ABCB1: variants seen among roughly 807,000 people sequenced by gnomAD.
ABCB1 encodes ATP-dependent translocase ABCB1.
Under a neutral mutation model 142.0 loss-of-function variants are expected in ABCB1, and 69 were observed. That is an observed-to-expected ratio of 0.49 (90% confidence interval 0.40 to 0.59). The LOEUF is 0.59. ABCB1 is among the 20% of genes least tolerant of loss of function. The pLI is 0.00. For missense variants in ABCB1, 1,326 were observed against 1,554.7 expected (o/e 0.85, Z 2.47); for synonymous variants, 532 against 539.2 (o/e 0.99, Z 0.18).
rs1266420952 is a variant in ABCB1, at chr7:87,706,015, A to G, written c.-331+7146T>C. On this transcript the variant is annotated intron_variant, in intron 1 of 28. Transcript: ENST00000265724. ...ATATTTTGTGAGGGATTGTCCCCCC[A>G]TTTTCTTTGTTTTTAATAGCAGTTC... Among the ~76,000 whole-genome samples the G allele has an allele frequency of 3.9e-5, 6 of 151,926 alleles. No individual in the cohort carries two copies. In the East Asian group the frequency reaches 7.7e-4, roughly 20 times the overall value.
intron 27 of ABCB1, among the ~76,000 whole-genome samples, chr7:87,504,759 T>G (rs934899982): frequency 6.7e-6 from 1 of 148,868 alleles, no homozygotes; most frequent in Non-Finnish European, 1.5e-5. Context: ...GAGCCAAGAT[T>G]GCGCCACTGC....
intron 3 of ABCB1, among the ~76,000 whole-genome samples, chr7:87,589,077 T>C (rs180824931): frequency 2.8e-4 from 43 of 152,296 alleles, no homozygotes; most frequent in Non-Finnish European, 5.3e-4. Context: ...AAGATTGATT[T>C]CTAGAGAGAA....
At chr7:87,552,956 G>T (rs1040258392) in intron 9 of ABCB1, among the ~76,000 whole-genome samples, 1 of 152,080 alleles carries the variant, frequency 6.6e-6, no homozygotes, top group Non-Finnish European at 1.5e-5. Flanking sequence ...ACATTAAATG[G>T]CAAGACTTCT....
At chr7:87,562,951 T>C (rs951661964) in intron 7 of ABCB1, among the ~76,000 whole-genome samples, 1 of 151,952 alleles carries the variant, frequency 6.6e-6, no homozygotes, top group Non-Finnish European at 1.5e-5. Context: ...AATTAAAAAC[T>C]AGCTGGACAT....
intron 1 of ABCB1, among the ~76,000 whole-genome samples, chr7:87,675,653 C>CAAAAA (rs200136132): frequency 1.8e-4 from 12 of 65,838 alleles, no homozygotes; most frequent in African/African-American, 5.2e-4. Context: ...TATTCACATG[C>CAAAAA]AAAAAAAAAA....
chr7:87,538,254 C>A (rs771506063), intron 19 of ABCB1, among the ~76,000 whole-genome samples: 1 of 152,226 alleles, frequency 6.6e-6, no homozygotes, highest in Non-Finnish European at 1.5e-5. Flanking sequence ...CAGTGTAGAC[C>A]TAAGTGGAAT....
chr7:87,563,896 A>G (rs1036509517), intron 7 of ABCB1, among the ~76,000 whole-genome samples: 2 of 152,228 alleles, frequency 1.3e-5, no homozygotes, highest in East Asian at 3.8e-4. Context: ...CATTATGCTT[A>G]GCAAACTAAC....
intron 21 of ABCB1, chr7:87,522,273 G>A (rs571100422): frequency 9.2e-6 from 8 of 868,598 alleles, no homozygotes; most frequent in Admixed American, 6.8e-5. Context: ...TTACATTTTG[G>A]ACCCATGAAG....
rs1816794505 is a variant in ABCB1, at chr7:87,546,579, A to T, written c.1726-555T>A. ...TCAAAAAAAAAAAATAAAAAATAAAAAAATAATAATAATCAGGGGCTTGTA... is the reference window on the plus strand; with the variant it reads ...TCAAAAAAAAAAAATAAAAAATAAATAAATAATAATAATCAGGGGCTTGTA... On this transcript the variant is annotated intron_variant, in intron 14 of 27. Transcript: ENST00000622132. 2.1e-5 allele frequency among the ~76,000 whole-genome samples: 3 copies of T among 139,890 alleles called. No homozygotes were observed. In the Admixed American group the frequency reaches 2.2e-4, roughly 10 times the overall value. The allele number at this position is 139,890 out of a possible 152,430, so 91.8% of individuals were successfully genotyped here.
At chr7:87,629,113 G>C in intron 1 of ABCB1, 1 of 549,604 alleles carries the variant, frequency 1.8e-6, no homozygotes, top group Non-Finnish European at 2.8e-6. Flanking sequence ...CAGGGGCCCG[G>C]GTCTGGACAC....
intron 1 of ABCB1, among the ~76,000 whole-genome samples, chr7:87,636,457 TTCTG>T (rs1304024263): frequency 2.0e-5 from 3 of 152,194 alleles, no homozygotes; most frequent in Non-Finnish European, 2.9e-5. Flanking sequence ...TCTTTGTACA[TTCTG>T]TATGGGAATC....
At chr7:87,659,552 A>G (rs1824481434) in intron 1 of ABCB1, among the ~76,000 whole-genome samples, 1 of 152,178 alleles carries the variant, frequency 6.6e-6, no homozygotes, top group Admixed American at 6.6e-5. Context: ...CACATTAGAC[A>G]GTGTTATAAT....
At position 87,544,237 on chromosome 7, in the gene ABCB1, C is replaced by T; in HGVS notation, c.2103G>A (p.Met701Ile). 1 of 1,613,654 alleles carries T rather than the reference C, an allele frequency of 6.2e-7. No individual in the cohort carries two copies. Among genetic ancestry groups the T allele is most frequent in the Non-Finnish European group, 8.5e-7 (1 of 1,179,906 alleles). The change falls in exon 17 of 28, where the codon ATG becomes ATA. Residue 701 changes from methionine (M) to isoleucine (I), a missense_variant. By Grantham distance (10) the Met-to-Ile change is conservative. Coordinates refer to ENST00000622132, the MANE Select transcript of ABCB1 (RefSeq NM_001348946.2). ...SIPPVSFWRIMKLNLTEWPYF... is the reference protein window; with the variant it reads ...SIPPVSFWRIIKLNLTEWPYF... The stretch of plus-strand genomic sequence containing the variant: ...AAGGCCATTCAGTTAAATTTAGCTT[C>T]ATAATCCTCCAAAAGGAAACTGGAG...
At chr7:87,664,370 C>A (rs1348946525) in intron 1 of ABCB1, among the ~76,000 whole-genome samples, 1 of 151,890 alleles carries the variant, frequency 6.6e-6, no homozygotes, top group East Asian at 1.9e-4. Context: ...AGGGTAAAAC[C>A]AAAATTACTT....
intron 17 of ABCB1, 21 bp from the exon 18 acceptor site, chr7:87,541,485 G>T (rs199852357): frequency 6.6e-7 from 1 of 1,519,590 alleles, no homozygotes. Flanking sequence ...ACATTTAAAG[G>T]ATTTTTAGTT....
chr7:87,614,802 T>C (rs1405357116), intron 1 of ABCB1, among the ~76,000 whole-genome samples: 2 of 152,144 alleles, frequency 1.3e-5, no homozygotes, highest in Non-Finnish European at 2.9e-5. Flanking sequence ...TGCCTTTTAT[T>C]CTTTTTGTTT....
intron 8 of ABCB1, among the ~76,000 whole-genome samples, chr7:87,558,531 A>G (rs2129761076): frequency 6.6e-6 from 1 of 151,480 alleles, no homozygotes. Context: ...TCTTTTTTTC[A>G]TTCTTACTCT....
intron 1 of ABCB1, among the ~76,000 whole-genome samples, chr7:87,671,232 C>G (rs528153361): frequency 2.6e-5 from 4 of 152,278 alleles, no homozygotes; most frequent in Non-Finnish European, 5.9e-5. Flanking sequence ...CTGATTACAA[C>G]TGGTTGGAGG....
chr7:87,595,622 T>C, intron 3 of ABCB1, 144 bp downstream of exon 3: 1 of 657,226 alleles, frequency 1.5e-6, no homozygotes, highest in Non-Finnish European at 2.7e-6. Flanking sequence ...CTCCTGAAAA[T>C]AAGCTAAATC....
Sources: allele counts gnomAD v4.1 joint callset (sites outside exome capture counted in the v4.1 genomes callset), GRCh38; gene constraint gnomAD v4.1.1; transcripts MANE v1.5; gene names NCBI Gene and HGNC (gene_info 2026-07-23, HGNC 2026-07-21).